Variants in TF observed in about 807,000 individuals in gnomAD.
The protein encoded by TF is transferrin.
TF carries 55 observed loss-of-function variants against 82.4 expected under a neutral mutation model. That is an observed-to-expected ratio of 0.67 (90% CI 0.54 to 0.84). The LOEUF (loss-of-function observed/expected upper bound fraction) is 0.84, where lower values mean the gene tolerates loss of function less well. TF is among the 40% of genes least tolerant of loss of function. The pLI is 0.00. For synonymous variants in TF, 332 were observed against 332.6 expected (o/e 1.00, Z 0.02); for missense variants, 737 against 868.4 (o/e 0.85, Z 1.90).
the TF span, among the ~76,000 whole-genome samples, chr3:133,733,047 C>T: frequency 6.6e-6 from 1 of 152,198 alleles, no homozygotes; most frequent in Non-Finnish European, 1.5e-5. Flanking sequence ...GCCACTTCTA[C>T]CAACGCTATG....
the TF span, among the ~76,000 whole-genome samples, chr3:133,721,454 T>C: frequency 1.3e-5 from 2 of 152,236 alleles, no homozygotes; most frequent in East Asian, 3.8e-4. Flanking sequence ...AAAAATACTT[T>C]GTATGATGTC....
At chr3:133,715,350 T>C in the TF span, among the ~76,000 whole-genome samples, 1 of 152,186 alleles carries the variant, frequency 6.6e-6, no homozygotes, top group Non-Finnish European at 1.5e-5. Context: ...CATGCCAGCA[T>C]CTGTGGCCCT....
intron 14 of TF, chr3:133,772,740 G>A (rs925926572): frequency 3.3e-5 from 5 of 151,830 alleles, no homozygotes. Context: ...ATAATTGTGT[G>A]TATTTAAGGT....
chr3:133,736,898 A>G, the TF span, among the ~76,000 whole-genome samples: 3 of 151,996 alleles, frequency 2.0e-5, no homozygotes, highest in Non-Finnish European at 4.4e-5. Flanking sequence ...CTGTCAATAT[A>G]AGGCAGATTA....
At chr3:133,684,000 A>G in the TF span, among the ~76,000 whole-genome samples, 7 of 152,184 alleles carry the variant, frequency 4.6e-5, no homozygotes, top group Admixed American at 1.3e-4. Flanking sequence ...ATAACAAACT[A>G]TCTCTCAGAC....
chr3:133,722,060 T>G, the TF span, among the ~76,000 whole-genome samples: 1 of 152,064 alleles, frequency 6.6e-6, no homozygotes, highest in Non-Finnish European at 1.5e-5. Context: ...TTTTGTATTT[T>G]TTGTGGAGAC....
chr3:133,714,527 T>C, the TF span, among the ~76,000 whole-genome samples: 1 of 152,236 alleles, frequency 6.6e-6, no homozygotes, highest in Non-Finnish European at 1.5e-5. Flanking sequence ...TTAATTTTTC[T>C]TTACATCAGA....
the TF span, among the ~76,000 whole-genome samples, chr3:133,677,703 A>G: frequency 6.6e-6 from 1 of 151,856 alleles, no homozygotes; most frequent in Non-Finnish European, 1.5e-5. Context: ...TTTTTTATAG[A>G]GACAGGATCT....
At chr3:133,726,161 G>T in the TF span, among the ~76,000 whole-genome samples, 2 of 152,182 alleles carry the variant, frequency 1.3e-5, no homozygotes, top group African/African-American at 4.8e-5. Flanking sequence ...TCAGGATGAT[G>T]CTGGCCTCAT....
chr3:133,693,878 G>T, the TF span, among the ~76,000 whole-genome samples: 1 of 152,210 alleles, frequency 6.6e-6, no homozygotes, highest in African/African-American at 2.4e-5. Context: ...GCAGAGCTGC[G>T]TGCCACTGGG....
intron 1 of TF, among the ~76,000 whole-genome samples, chr3:133,746,808 G>A (rs1055587608): frequency 6.6e-6 from 1 of 152,222 alleles, no homozygotes; most frequent in African/African-American, 2.4e-5. Flanking sequence ...TCCTTAGCAT[G>A]GCATTCAAGG....
the TF span, among the ~76,000 whole-genome samples, chr3:133,702,762 A>T: frequency 6.6e-6 from 1 of 152,122 alleles, no homozygotes; most frequent in South Asian, 2.1e-4. Context: ...AAATTTGACA[A>T]ACTTAGAAGG....
At position 133,778,297 on chromosome 3, in the gene TF, C is replaced by T. The variant is rs1461129648; in HGVS notation, c.2063-289C>T. On this transcript the variant is annotated intron_variant, in intron 16 of 16. Coordinates refer to ENST00000402696, the MANE Select transcript of TF (RefSeq NM_001063.4). ...GGAGGACAGTCTTCCTGGGCGACTC[C>T]TGGCCTCAGGAACTCAGATGTGTGA... is the stretch of plus-strand genomic sequence containing the variant. 1.1e-5 allele frequency: 4 copies of T among 364,798 alleles called. No individual in the cohort carries two copies. The East Asian group carries it at 2.0e-4, about 18-fold the overall frequency. The allele number at this position is 364,798 out of a possible 1,614,324, so 22.6% of individuals were successfully genotyped here. A position where few individuals can be genotyped will look rare whatever the true frequency, so the allele number is the denominator to read the frequency against.
At chr3:133,763,762 G>A (rs1934054361) in intron 9 of TF, among the ~76,000 whole-genome samples, 1 of 152,252 alleles carries the variant, frequency 6.6e-6, no homozygotes, top group South Asian at 2.1e-4. Context: ...AGCCAAGGAG[G>A]CTGACATTAG....
At chr3:133,776,970 C>A in intron 15 of TF, 79 bp from the exon 16 acceptor site, 1 of 1,353,430 alleles carries the variant, frequency 7.4e-7, no homozygotes, top group Non-Finnish European at 1.1e-6. Context: ...TGGTTCAGAG[C>A]TTTCAGACTC....
intron 7 of TF, 59 bp from the exon 8 acceptor site, chr3:133,757,710 C>A: frequency 6.6e-7 from 1 of 1,506,350 alleles, no homozygotes; most frequent in Non-Finnish European, 9.2e-7. Flanking sequence ...TCTTCAGTCC[C>A]ATTTCTCAGC....
chr3:133,696,759 C>A, the TF span, among the ~76,000 whole-genome samples: 1 of 151,006 alleles, frequency 6.6e-6, no homozygotes, highest in Non-Finnish European at 1.5e-5. Flanking sequence ...GTTTCAAAAG[C>A]ATTATTGCCA....
the TF span, among the ~76,000 whole-genome samples, chr3:133,697,540 A>G: frequency 4.6e-5 from 7 of 152,362 alleles, no homozygotes; most frequent in East Asian, 1.2e-3. Flanking sequence ...ACCTTTGCCC[A>G]AAGTCACTTG....
At chr3:133,772,907 C>T (rs1234343330) in intron 14 of TF, 1 of 152,164 alleles carries the variant, frequency 6.6e-6, no homozygotes, top group Non-Finnish European at 1.5e-5. Context: ...TTTGCACCTT[C>T]TTACCTTCTT....
Sources: allele counts gnomAD v4.1 joint callset (sites outside exome capture counted in the v4.1 genomes callset), GRCh38; gene constraint gnomAD v4.1.1; transcripts MANE v1.5; gene names NCBI Gene and HGNC (gene_info 2026-07-23, HGNC 2026-07-21).